Variants in GEN1 observed in about 807,000 individuals in gnomAD.
GEN1 encodes the protein flap endonuclease GEN homolog 1.
A neutral mutation model predicts 67.6 loss-of-function variants in GEN1; 64 were observed. The ratio of observed to expected loss-of-function variants is 0.95; its 90% CI spans 0.77 to 1.17. The LOEUF is 1.17. Ranked by LOEUF, GEN1 falls within the 50% of genes most tolerant of loss-of-function variation. The pLI is 0.00. For synonymous variants in GEN1, 371 were observed against 359.4 expected (o/e 1.03, Z -0.37); for missense variants, 1,058 against 1,048.3 (o/e 1.01, Z -0.13).
intron 12 of GEN1, 31 bp from the exon 13 acceptor site, chr2:17,779,947 A>G: frequency 1.3e-6 from 2 of 1,568,874 alleles, no homozygotes; most frequent in Non-Finnish European, 1.7e-6. Context: ...TGCCTAATTA[A>G]GGACACTTTG....
At position 17,785,277 on chromosome 2, in the gene GEN1, C is replaced by G. The variant is rs1186952352; in HGVS notation, c.*3338C>G. ...TATAGTTCCTCCTCCTCAAGGATTT[C>G]TCTGTTTTCATTGTCCAGGTTATAC... On this transcript the variant is annotated 3_prime_UTR_variant, in exon 14 of 14. Coordinates refer to ENST00000381254, the MANE Select transcript of GEN1 (RefSeq NM_001130009.3). 1 of 152,206 alleles carries G rather than the reference C, an allele frequency of 6.6e-6. No homozygotes were observed. The highest frequency in any genetic ancestry group is 1.5e-5 in the Non-Finnish European group (1 of 68,034). 9.4% of individuals were successfully genotyped at this position (152,206 alleles called of 1,614,324 possible). A position where few individuals can be genotyped will look rare whatever the true frequency, so the allele number is the denominator to read the frequency against.
chr2:17,756,195 A>G (rs916928489), intron 1 of GEN1, among the ~76,000 whole-genome samples: 17 of 152,336 alleles, frequency 1.1e-4, no homozygotes, highest in Admixed American at 8.5e-4. Flanking sequence ...GGTATATTCA[A>G]AACCCAAATC....
At chr2:17,760,687 C>T (rs894910938) in intron 2 of GEN1, among the ~76,000 whole-genome samples, 5 of 151,898 alleles carry the variant, frequency 3.3e-5, no homozygotes, top group Non-Finnish European at 5.9e-5. Flanking sequence ...TTTGGGAGGC[C>T]GAGGCAGGTG....
chr2:17,754,031 T>G (rs1671261368), upstream of GEN1: 1 of 152,280 alleles, frequency 6.6e-6, no homozygotes, highest in African/African-American at 2.4e-5. Flanking sequence ...GGTCTACGCA[T>G]GCGTCCGCTA....
intron 3 of GEN1, among the ~76,000 whole-genome samples, chr2:17,763,754 A>G (rs1478335539): frequency 6.6e-6 from 1 of 152,250 alleles, no homozygotes; most frequent in Non-Finnish European, 1.5e-5. Flanking sequence ...GGTAAGGTCG[A>G]AGCAACACTG....
Position 17,781,447 on chromosome 2 carries a change from A to G in GEN1, c.2235A>G (p.Gln745=). The G allele has an allele frequency of 6.2e-7, 1 of 1,613,678 alleles. No individual in the cohort carries two copies. The highest frequency in any genetic ancestry group is 8.5e-7 in the Non-Finnish European group (1 of 1,179,912). Residue 745 remains glutamine, a synonymous_variant, in exon 14 of 14, where the codon CAA becomes CAG. Transcript: ENST00000381254. ...SKILKGDQLL[Q]EDYKVNTSVP... Reference sequence around the variant, plus strand: ...TTCTAAAAGGAGACCAGCTGCTTCAAGAAGACTATAAAGTCAATACTTCTG... The same window carrying G: ...TTCTAAAAGGAGACCAGCTGCTTCAGGAAGACTATAAAGTCAATACTTCTG...
chr2:17,761,648 T>C, intron 3 of GEN1, 66 bp downstream of exon 3: 1 of 1,072,546 alleles, frequency 9.3e-7, no homozygotes, highest in South Asian at 1.6e-5. Flanking sequence ...CTCTTAATAG[T>C]TTGTCATCTT....
At chr2:17,770,927 C>A (rs1314040316) in intron 6 of GEN1, 5 of 344,272 alleles carry the variant, frequency 1.5e-5, no homozygotes, top group Non-Finnish European at 2.8e-5. Flanking sequence ...TATATATATA[C>A]AATTTTTTTT....
At chr2:17,771,882 A>G (rs1179674441) in intron 7 of GEN1, among the ~76,000 whole-genome samples, 1 of 151,884 alleles carries the variant, frequency 6.6e-6, no homozygotes, top group Non-Finnish European at 1.5e-5. Flanking sequence ...CATCTTTTAA[A>G]AGAAATTCTG....
At chr2:17,757,523 G>A (rs545378906) in intron 1 of GEN1, among the ~76,000 whole-genome samples, 19 of 152,036 alleles carry the variant, frequency 1.2e-4, no homozygotes, top group Non-Finnish European at 2.2e-4. Context: ...TTGTGTATGT[G>A]TAGTCAACCT....
At chr2:17,757,118 A>G (rs72768645) in intron 1 of GEN1, among the ~76,000 whole-genome samples, 1 of 152,332 alleles carries the variant, frequency 6.6e-6, no homozygotes, top group Non-Finnish European at 1.5e-5. Context: ...TGTTTCCGAC[A>G]AAAGAAATGA....
intron 3 of GEN1, among the ~76,000 whole-genome samples, 157 bp downstream of exon 3, chr2:17,761,739 G>C (rs1451821702): frequency 6.6e-6 from 1 of 152,196 alleles, no homozygotes; most frequent in South Asian, 2.1e-4. Context: ...ATTGACCTGA[G>C]TTTCATTCTT....
rs181124955 is a variant in GEN1, at chr2:17,760,028, G to A, written c.85G>A (p.Val29Ile). 4 of 1,614,114 alleles carry A rather than the reference G, an allele frequency of 2.5e-6. No homozygotes were observed. The Admixed American group carries it at 6.7e-5, about 27-fold the overall frequency. Residue 29 changes from valine to isoleucine, a missense_variant, in exon 2 of 14, where the codon GTT (valine) becomes ATT (isoleucine). Transcript: ENST00000381254. ...LRNLGGKTIA[V>I]DLSLWVCEAQ... ...TAATCTTGGTGGGAAAACCATTGCA[G>A]TTGATCTGAGTCTCTGGGTGTGTGA...
chr2:17,771,434 G>C (rs1672186106), intron 7 of GEN1, 147 bp downstream of exon 7: 2 of 607,226 alleles, frequency 3.3e-6, no homozygotes, highest in South Asian at 2.0e-5. Context: ...CTTGCAGTCA[G>C]TTTTGTTATA....
Position 17,773,300 on chromosome 2 carries a change from G to A in GEN1, c.1071+1G>A, listed in dbSNP as rs1023467720. 4.5e-6 allele frequency: 7 copies of A among 1,546,852 alleles called. No individual in the cohort carries two copies. The highest frequency in any genetic ancestry group is 5.3e-6 in the Non-Finnish European group (6 of 1,128,054). On this transcript the variant is annotated splice_donor_variant, in intron 10 of 13. Coordinates refer to ENST00000381254, the MANE Select transcript of GEN1 (RefSeq NM_001130009.3). LOFTEE classifies it high-confidence loss of function. ...AAGACCTGATTTGTTATTGTTTCAGGTATCTGAAAATAAATTCTTCTTTAC... is the reference window on the plus strand; with the variant it reads ...AAGACCTGATTTGTTATTGTTTCAGATATCTGAAAATAAATTCTTCTTTAC...
intron 12 of GEN1, among the ~76,000 whole-genome samples, chr2:17,778,371 CACACACATATATGTGTGT>C (rs1672634191): frequency 2.5e-5 from 1 of 40,518 alleles, no homozygotes; most frequent in Non-Finnish European, 4.5e-5. Flanking sequence ...TATGTATATA[CACACACATATATGTGTGT>C]ACATATATGT....
intron 11 of GEN1, among the ~76,000 whole-genome samples, chr2:17,775,308 CA>C (rs1298816452): frequency 6.6e-6 from 1 of 151,906 alleles, no homozygotes; most frequent in East Asian, 1.9e-4. Flanking sequence ...AAACTTGGTC[CA>C]AAAAAATTAG....
chr2:17,780,604 A>ATTT lies in GEN1; in HGVS notation c.1409-11_1409-9dup. The ATTT allele has an allele frequency of 6.9e-7, 1 of 1,444,126 alleles. No individual in the cohort carries two copies. The highest frequency in any genetic ancestry group is 9.4e-7 in the Non-Finnish European group (1 of 1,065,840). The allele number at this position is 1,444,126 out of a possible 1,614,324, so 89.5% of individuals were successfully genotyped here. A position where few individuals can be genotyped will look rare whatever the true frequency, so the allele number is the denominator to read the frequency against. ...AAGAAAATAAATGTTGATTATATGTATTTTTTTTCTTTTCAGGTATTAAGC... is the reference window on the plus strand; with the variant it reads ...AAGAAAATAAATGTTGATTATATGTATTTTTTTTTTTCTTTTCAGGTATTAAGC... On this transcript the variant is annotated splice_polypyrimidine_tract_variant and intron_variant, in intron 13 of 13. Coordinates refer to ENST00000381254, the MANE Select transcript of GEN1 (RefSeq NM_001130009.3).
At position 17,785,531 on chromosome 2, in the gene GEN1, A is replaced by G. The variant is rs1451950289; in HGVS notation, c.*3592A>G. 2 of 152,208 alleles carry G rather than the reference A, an allele frequency of 1.3e-5. No homozygotes were observed. Among genetic ancestry groups the G allele is most frequent in the African/African-American group, 4.8e-5 (2 of 41,448 alleles). 9.4% of individuals were successfully genotyped at this position (152,208 alleles called of 1,614,324 possible). The stretch of plus-strand genomic sequence containing the variant: ...CCATGCTAAGGCCCTGCTCTGGCCT[A>G]ACTGCTTTGGGCTTTGTGTAATCAA... On this transcript the variant is annotated 3_prime_UTR_variant, in exon 14 of 14. Transcript: ENST00000381254.
Sources: allele counts gnomAD v4.1 joint callset (sites outside exome capture counted in the v4.1 genomes callset), GRCh38; gene constraint gnomAD v4.1.1; transcripts MANE v1.5; gene names NCBI Gene and HGNC (gene_info 2026-07-23, HGNC 2026-07-21).